The following MTERF4 variants were observed in gnomAD, a reference collection of about 807,000 sequenced individuals.
MTERF4 encodes the protein transcription termination factor 4, mitochondrial.
MTERF4 carries 17 observed loss-of-function variants against 22.5 expected under a neutral mutation model. That is an observed-to-expected ratio of 0.75 (90% CI 0.52 to 1.13). MTERF4 has a LOEUF of 1.13. Among genes scored for constraint, MTERF4 ranks in the 50% most tolerant of loss-of-function variants. The probability of loss-of-function intolerance (pLI) is 0.00; values close to 1 mark genes in which losing one functional copy is unlikely to be tolerated. For synonymous variants in MTERF4, 165 were observed against 175.3 expected (o/e 0.94, Z 0.47); for missense variants, 420 against 466.8 (o/e 0.90, Z 0.92).
At chr2:241,056,146 T>G in the MTERF4 span, among the ~76,000 whole-genome samples, 1 of 152,066 alleles carries the variant, frequency 6.6e-6, no homozygotes, top group African/African-American at 2.4e-5. Flanking sequence ...TAAAATTCCA[T>G]GAAAAATTTT....
At chr2:241,049,842 C>A in the MTERF4 span, 2 of 1,613,824 alleles carry the variant, frequency 1.2e-6, no homozygotes, top group East Asian at 2.2e-5. Flanking sequence ...GCGACTCGGA[C>A]CCCTGCTTCA....
At chr2:241,062,262 C>T in the MTERF4 span, among the ~76,000 whole-genome samples, 6 of 152,110 alleles carry the variant, frequency 3.9e-5, no homozygotes, top group African/African-American at 1.4e-4. Flanking sequence ...TTCTGGCTGC[C>T]GGGGTGGCTG....
intron 2 of MTERF4, among the ~76,000 whole-genome samples, chr2:241,098,340 A>C (rs1321497947): frequency 1.3e-5 from 2 of 152,238 alleles, no homozygotes; most frequent in Admixed American, 1.3e-4. Context: ...CTAGAGAAGG[A>C]GGCCTGTAGA....
chr2:241,097,080 T>C, intron 3 of MTERF4, 163 bp downstream of exon 3: 2 of 752,492 alleles, frequency 2.7e-6, no homozygotes, highest in Non-Finnish European at 4.4e-6. Flanking sequence ...TGTCCGAGGC[T>C]TCTTATCCAT....
the MTERF4 span, among the ~76,000 whole-genome samples, chr2:241,060,998 TG>T: frequency 6.6e-6 from 1 of 152,166 alleles, no homozygotes; most frequent in Non-Finnish European, 1.5e-5. Flanking sequence ...TTTTTGACTT[TG>T]GGGTAGTGAA....
At chr2:241,050,838 C>T in the MTERF4 span, among the ~76,000 whole-genome samples, 1 of 151,588 alleles carries the variant, frequency 6.6e-6, no homozygotes, top group Non-Finnish European at 1.5e-5. Context: ...AGGTGGGGGT[C>T]CTACCAGAGC....
At chr2:241,050,479 G>T in the MTERF4 span, among the ~76,000 whole-genome samples, 4 of 152,094 alleles carry the variant, frequency 2.6e-5, no homozygotes, top group Non-Finnish European at 5.9e-5. Flanking sequence ...CTGCCTGACC[G>T]CAGAGTGACC....
chr2:241,063,359 A>G, the MTERF4 span: 3 of 572,706 alleles, frequency 5.2e-6, no homozygotes, highest in African/African-American at 1.9e-5. Context: ...AGTGGCCTGG[A>G]GGAAGGCATG....
At chr2:241,053,164 G>T in the MTERF4 span, 1 of 1,610,198 alleles carries the variant, frequency 6.2e-7, no homozygotes, top group Non-Finnish European at 8.5e-7. Context: ...GGTGGACTGC[G>T]GCCCCCCGGA....
intron 4 of MTERF4, chr2:241,081,667 C>A: frequency 6.3e-7 from 1 of 1,584,152 alleles, no homozygotes; most frequent in Non-Finnish European, 8.6e-7. Context: ...CTCGTGACCT[C>A]TGTTTCCAGA....
At chr2:241,085,910 A>AGG (rs1378126416), downstream of MTERF4, among the ~76,000 whole-genome samples, 3 of 120,718 alleles carry the variant, frequency 2.5e-5, no homozygotes, top group Admixed American at 3.5e-4. Context: ...TCTGTCGCCC[A>AGG]GGCTGGAGTG....
chr2:241,079,802 G>A (rs2125294230), intron 4 of MTERF4, among the ~76,000 whole-genome samples: 2 of 152,268 alleles, frequency 1.3e-5, no homozygotes, highest in South Asian at 2.1e-4. Flanking sequence ...AATGGAATAT[G>A]GTCTAAGGAT....
the MTERF4 span, among the ~76,000 whole-genome samples, chr2:241,061,002 G>A: frequency 6.6e-6 from 1 of 152,050 alleles, no homozygotes; most frequent in East Asian, 1.9e-4. Context: ...TGACTTTGGG[G>A]TAGTGAAAGA....
At chr2:241,049,948 G>A in the MTERF4 span, 1 of 1,599,356 alleles carries the variant, frequency 6.3e-7, no homozygotes, top group Admixed American at 1.7e-5. Flanking sequence ...GGCGGGCAGG[G>A]GCGTCCGGGC....
the MTERF4 span, chr2:241,063,497 T>C: frequency 1.2e-6 from 1 of 854,610 alleles, no homozygotes; most frequent in Non-Finnish European, 2.0e-6. Flanking sequence ...AAGGGGTAAC[T>C]GAAGCCCCAG....
chr2:241,089,159 C>T, downstream of MTERF4: 3 of 781,216 alleles, frequency 3.8e-6, no homozygotes, highest in Non-Finnish European at 6.0e-6. Flanking sequence ...AGAAAGCCAT[C>T]TACAACCTGT....
intron 4 of MTERF4, among the ~76,000 whole-genome samples, chr2:241,079,058 G>A (rs564853906): frequency 9.4e-4 from 137 of 146,074 alleles, no homozygotes; most frequent in African/African-American, 3.3e-3. Flanking sequence ...AGGCTGCAGC[G>A]AGCCGAGATC....
chr2:241,097,574 TC>T, intron 2 of MTERF4, 147 bp from the exon 3 acceptor site: 2 of 702,738 alleles, frequency 2.8e-6, no homozygotes, highest in Non-Finnish European at 4.7e-6. Context: ...AGATCTATCT[TC>T]CCAGAAGCAC....
rs560255911 is a variant in MTERF4, at chr2:241,073,183, T to A, written n.2979A>T. On this transcript the variant is annotated non_coding_transcript_exon_variant, in exon 5 of 5. Coordinates refer to the MTERF4 transcript ENST00000464344. The surrounding 1 kb of genome is among the most constrained non-coding windows in gnomAD (Gnocchi z 6.6). ...AGGGACATCCGTGCTCCCTGAGATA[T>A]AGAAGCACTCAAAAGGGTGGCCCCA... 5.1e-6 allele frequency: 5 copies of A among 980,404 alleles called. No homozygotes were observed. In the East Asian group the frequency reaches 1.3e-4, roughly 26 times the overall value. The allele number at this position is 980,404 out of a possible 1,614,324, so 60.7% of individuals were successfully genotyped here.
Sources: allele counts gnomAD v4.1 joint callset (sites outside exome capture counted in the v4.1 genomes callset), GRCh38; gene constraint gnomAD v4.1.1; non-coding constraint Gnocchi (gnomAD v3.1); transcripts MANE v1.5; gene names NCBI Gene and HGNC (gene_info 2026-07-23, HGNC 2026-07-21).